FRMD8: variants seen among roughly 807,000 people sequenced by gnomAD.
FRMD8 encodes the protein FERM domain-containing protein 8.
Under a neutral mutation model 54.2 loss-of-function variants are expected in FRMD8, and 37 were observed. The observed-to-expected ratio is 0.68, with a 90% CI of 0.53 to 0.90. FRMD8 has a LOEUF of 0.90. Among genes scored for constraint, FRMD8 ranks in the 40% least tolerant of loss-of-function variants. The pLI, the probability that FRMD8 is intolerant of heterozygous loss-of-function variation, is 0.00. For missense variants in FRMD8, 585 were observed against 653.7 expected (o/e 0.89, Z 1.15); for synonymous variants, 246 against 286.9 (o/e 0.86, Z 1.44).
chr11:65,408,920 T>C (rs926173492), intron 10 of FRMD8, among the ~76,000 whole-genome samples: 1 of 151,864 alleles, frequency 6.6e-6, no homozygotes, highest in Non-Finnish European at 1.5e-5. Context: ...GATATGCTGA[T>C]TTTGAAGAGG....
chr11:65,388,883 C>T (rs1263090553), intron 2 of FRMD8, among the ~76,000 whole-genome samples: 1 of 152,242 alleles, frequency 6.6e-6, no homozygotes, highest in Admixed American at 6.5e-5. Flanking sequence ...AGCTCTCGCT[C>T]CTGCCAGCCA....
At position 65,412,249 on chromosome 11, in the gene FRMD8, C is replaced by T. The variant is rs1856350434; in HGVS notation, c.*889C>T. 6.6e-6 allele frequency: 1 copy of T among 152,384 alleles called. No individual in the cohort carries two copies. The highest frequency in any genetic ancestry group is 6.5e-5 in the Admixed American group (1 of 15,290). 9.4% of individuals were successfully genotyped at this position (152,384 alleles called of 1,614,324 possible). On this transcript the variant is annotated 3_prime_UTR_variant, in exon 11 of 11. Transcript: ENST00000317568. Reference sequence around the variant, plus strand: ...AGCTCCCCTAGGGGACTGACCGGACCTGACCTCCCCTCCCTGTGTCTGGGT... The same window carrying T: ...AGCTCCCCTAGGGGACTGACCGGACTTGACCTCCCCTCCCTGTGTCTGGGT...
the FRMD8 span, among the ~76,000 whole-genome samples, chr11:65,369,160 T>C: frequency 1.3e-5 from 2 of 152,048 alleles, no homozygotes; most frequent in African/African-American, 2.4e-5. Context: ...ACCCAGCAAT[T>C]TGTATTTTCA....
At chr11:65,410,169 G>C (rs1170357806) in intron 10 of FRMD8, among the ~76,000 whole-genome samples, 1 of 151,844 alleles carries the variant, frequency 6.6e-6, no homozygotes, top group East Asian at 1.9e-4. Flanking sequence ...TTTGAGACTA[G>C]CCTGGCCAAC....
intron 10 of FRMD8, among the ~76,000 whole-genome samples, chr11:65,408,516 G>T (rs963196933): frequency 2.6e-5 from 4 of 151,748 alleles, no homozygotes; most frequent in Non-Finnish European, 5.9e-5. Flanking sequence ...TCAGCGTTCA[G>T]CTCTTCTAAA....
intron 1 of FRMD8, 33 bp from the exon 2 acceptor site, chr11:65,387,004 C>T (rs1378963542): frequency 1.3e-6 from 2 of 1,586,562 alleles, no homozygotes; most frequent in Middle Eastern, 1.9e-4. Flanking sequence ...ATCCCTGGCT[C>T]CCGGTAACTG....
At chr11:65,389,192 G>GGGGCTCTGCCTCTGGCGA (rs1855790226) in intron 2 of FRMD8, among the ~76,000 whole-genome samples, 169 bp from the exon 3 acceptor site, 3 of 152,216 alleles carry the variant, frequency 2.0e-5, no homozygotes, top group Admixed American at 2.0e-4. Flanking sequence ...TGGGGCTGCT[G>GGGGCTCTGCCTCTGGCGA]GGGCTCTGCC....
upstream of FRMD8, chr11:65,386,612 C>T (rs1855734805): frequency 1.1e-5 from 2 of 177,744 alleles, no homozygotes; most frequent in South Asian, 1.5e-4. Context: ...TCGGGCGCCG[C>T]GCTTCCTCCC....
At chr11:65,372,743 A>G in the FRMD8 span, among the ~76,000 whole-genome samples, 7 of 152,174 alleles carry the variant, frequency 4.6e-5, no homozygotes, top group Non-Finnish European at 8.8e-5. Context: ...ATAGCAAACA[A>G]CAGAGGACCA....
the FRMD8 span, chr11:65,380,801 C>T: frequency 6.0e-6 from 2 of 334,416 alleles, no homozygotes; most frequent in East Asian, 8.5e-5. Flanking sequence ...AAGAGGAATG[C>T]CACCCAGAAG....
At position 65,400,925 on chromosome 11, in the gene FRMD8, C is replaced by G; in HGVS notation, c.1071+58C>G. On this transcript the variant is annotated intron_variant, in intron 9 of 10. Coordinates refer to ENST00000317568, the MANE Select transcript of FRMD8 (RefSeq NM_031904.5). This position sits in a 1 kb window ranked among gnomAD's most constrained non-coding sequence, Gnocchi z 4.3. ...AGGCTGGGCCCAGGTGCCCTGGGTCCCAGACAATTAGAGGCACCAGGCTGG... is the reference window on the plus strand; with the variant it reads ...AGGCTGGGCCCAGGTGCCCTGGGTCGCAGACAATTAGAGGCACCAGGCTGG... The G allele has an allele frequency of 6.6e-7, 1 of 1,524,028 alleles. No individual in the cohort carries two copies. Among genetic ancestry groups the G allele is most frequent in the South Asian group, 1.3e-5 (1 of 77,750 alleles). 94.4% of individuals were successfully genotyped at this position (1,524,028 alleles called of 1,614,324 possible).
chr11:65,368,226 C>T, the FRMD8 span, among the ~76,000 whole-genome samples: 17 of 151,914 alleles, frequency 1.1e-4, no homozygotes. Context: ...CAGGCATGCA[C>T]CACCGTACCT....
rs1855737744 is a variant in FRMD8, at chr11:65,386,677, T to TGCGGGCGGTG, written c.-78_-69dup. 1 of 269,148 alleles carries TGCGGGCGGTG rather than the reference T, an allele frequency of 3.7e-6. No individual in the cohort carries two copies. The highest frequency in any genetic ancestry group is 7.0e-6 in the Non-Finnish European group (1 of 143,034). 16.7% of individuals were successfully genotyped at this position (269,148 alleles called of 1,614,324 possible). On this transcript the variant is annotated 5_prime_UTR_variant, in exon 1 of 11. Coordinates refer to ENST00000317568, the MANE Select transcript of FRMD8 (RefSeq NM_031904.5). ...GCTGCGTCCTTAGCGGGAGCCCGAGTGCGGGCGGTGGCGGGCTTGGCGGCG... is the reference window on the plus strand; with the variant it reads ...GCTGCGTCCTTAGCGGGAGCCCGAGTGCGGGCGGTGGCGGGCGGTGGCGGGCTTGGCGGCG...
rs1385095612 is a variant in FRMD8 at position 65,387,076 on chromosome 11, G to A, written c.40G>A (p.Ala14Thr). Residue 14 changes from alanine to threonine, a missense_variant, in exon 2 of 11, where the codon GCT becomes ACT. Transcript: ENST00000317568. ...TEGSAGQPGPAERSHRSSVSS... is the reference protein window; with the variant it reads ...TEGSAGQPGPTERSHRSSVSS... ...AGGCAGTGCCGGGCAGCCCGGCCCC[G>A]CTGAGCGATCCCACCGAAGCAGCGT... 2.5e-6 allele frequency: 4 copies of A among 1,608,662 alleles called. No homozygotes were observed. The highest frequency in any genetic ancestry group is 2.7e-5 in the African/African-American group (2 of 74,938).
chr11:65,389,737 T>A (rs866623551), intron 3 of FRMD8, among the ~76,000 whole-genome samples: 28 of 152,146 alleles, frequency 1.8e-4, no homozygotes, highest in Admixed American at 1.6e-3. Flanking sequence ...TGTCTGTCTT[T>A]CTGCTGGTGG....
At chr11:65,371,254 C>T in the FRMD8 span, among the ~76,000 whole-genome samples, 1 of 152,276 alleles carries the variant, frequency 6.6e-6, no homozygotes, top group South Asian at 2.1e-4. Flanking sequence ...GCGCATGTAG[C>T]TTTCCCCAGG....
chr11:65,397,290 C>T (rs188235177), intron 7 of FRMD8, among the ~76,000 whole-genome samples: 177 of 152,360 alleles, frequency 1.2e-3, no homozygotes, highest in African/African-American at 4.2e-3. Context: ...CGCCTTCAGC[C>T]AGCTGTCTCT....
At chr11:65,409,382 C>T (rs116312462) in intron 10 of FRMD8, among the ~76,000 whole-genome samples, 4 of 152,228 alleles carry the variant, frequency 2.6e-5, no homozygotes, top group South Asian at 2.1e-4. Flanking sequence ...CCACCGTGCC[C>T]GGCCGATTGC....
intron 10 of FRMD8, among the ~76,000 whole-genome samples, chr11:65,410,649 G>T (rs1590663430): frequency 6.6e-6 from 1 of 152,194 alleles, no homozygotes; most frequent in East Asian, 1.9e-4. Context: ...AATTAGCTGG[G>T]CGCCGTGGCG....
Sources: allele counts gnomAD v4.1 joint callset (sites outside exome capture counted in the v4.1 genomes callset), GRCh38; gene constraint gnomAD v4.1.1; non-coding constraint Gnocchi (gnomAD v3.1); transcripts MANE v1.5; gene names NCBI Gene and HGNC (gene_info 2026-07-23, HGNC 2026-07-21).